EXOC3: variants seen among roughly 807,000 people sequenced by gnomAD.
EXOC3 encodes the protein exocyst complex component 3.
A neutral mutation model predicts 73.7 loss-of-function variants in EXOC3; 21 were observed. That is an observed-to-expected ratio of 0.29 (90% CI 0.20 to 0.41). EXOC3 has a LOEUF of 0.41. Among genes scored for constraint, EXOC3 ranks in the 10% least tolerant of loss-of-function variants. EXOC3 has a pLI of 1.00. For missense variants in EXOC3, 842 were observed against 985.1 expected (o/e 0.85, Z 1.95); for synonymous variants, 410 against 389.1 (o/e 1.05, Z -0.63).
intron 4 of EXOC3, among the ~76,000 whole-genome samples, chr5:455,166 G>A (rs1315102651): frequency 3.3e-5 from 5 of 152,204 alleles, no homozygotes; most frequent in African/African-American, 1.2e-4. Context: ...CTCCGTGCCT[G>A]GTGTGTGTCA....
chr5:452,918 T>A (rs1737696886), intron 3 of EXOC3, among the ~76,000 whole-genome samples: 1 of 151,932 alleles, frequency 6.6e-6, no homozygotes, highest in Non-Finnish European at 1.5e-5. Context: ...TCTGTGGGGG[T>A]GAGGAGGGAC....
chr5:464,307 G>A lies in EXOC3; in HGVS notation c.1671G>A (p.Leu557=), dbSNP rs776501680. ...FLDLEQHLNE[L]MTKKWLLGSN... is the part of the protein sequence containing the mutation. Reference sequence around the variant, plus strand: ...CTTTTCAGCAACATCTGAATGAATTGATGACGAAGAAGTGGCTATTAGGGT... The same window carrying A: ...CTTTTCAGCAACATCTGAATGAATTAATGACGAAGAAGTGGCTATTAGGGT... The change falls in exon 10 of 13, where the codon TTG becomes TTA. Residue 557 remains leucine (L), a synonymous_variant. Coordinates refer to ENST00000512944, the MANE Select transcript of EXOC3 (RefSeq NM_007277.5). The A allele has an allele frequency of 1.6e-5, 26 of 1,613,572 alleles. No individual in the cohort carries two copies. The highest frequency in any genetic ancestry group is 2.2e-5 in the Non-Finnish European group (26 of 1,179,544).
chr5:457,346 A>G (rs1182092095), intron 5 of EXOC3: 4 of 332,454 alleles, frequency 1.2e-5, no homozygotes, highest in African/African-American at 2.1e-5. Context: ...GGGTCCGTCA[A>G]GGACCAAAGG....
intron 4 of EXOC3, among the ~76,000 whole-genome samples, chr5:456,540 A>T (rs1284929986): frequency 6.6e-6 from 1 of 152,208 alleles, no homozygotes; most frequent in Non-Finnish European, 1.5e-5. Flanking sequence ...TTTGAGCCCC[A>T]GCACCTCATG....
intron 10 of EXOC3, 89 bp downstream of exon 10, chr5:464,501 CCGTG>C: frequency 7.1e-7 from 1 of 1,417,358 alleles, no homozygotes; most frequent in Non-Finnish European, 9.9e-7. Flanking sequence ...GCGAGTCCCT[CCGTG>C]AGTGAACGTT....
Position 453,766 on chromosome 5 carries a change from G to C in EXOC3, c.761G>C (p.Arg254Thr), listed in dbSNP as rs925138117. Residue 254 changes from arginine (R) to threonine (T), a missense_variant, in exon 4 of 13, where the codon AGG becomes ACG. By Grantham distance (71) the Arg-to-Thr change is moderately conservative (BLOSUM62 -1). Coordinates refer to ENST00000512944, the MANE Select transcript of EXOC3 (RefSeq NM_007277.5). ...WKEKMFTILE[R>T]TVTTRIEGTQ... ...GAGAAAATGTTCACCATCTTGGAGA[G>C]GACTGTGACCACCAGAATTGAGGGC... The C allele has an allele frequency of 6.2e-7, 1 of 1,613,978 alleles. No individual in the cohort carries two copies. The highest frequency in any genetic ancestry group is 8.5e-7 in the Non-Finnish European group (1 of 1,179,898).
chr5:465,138 G>GT lies in EXOC3; in HGVS notation c.1805dup (p.Val603GlyfsTer30). On this transcript the variant is annotated frameshift_variant, in exon 11 of 13. Coordinates refer to ENST00000512944, the MANE Select transcript of EXOC3 (RefSeq NM_007277.5). LOFTEE classifies it high-confidence loss of function. Reference sequence around the variant, plus strand: ...GATGACGGCCGAGGCGCACCGGCGCGTGGTGGTGGAGTACCTGCGGGCGGT... The same window carrying GT: ...GATGACGGCCGAGGCGCACCGGCGCGTTGGTGGTGGAGTACCTGCGGGCGGT... 1 of 1,592,974 alleles carries GT rather than the reference G, an allele frequency of 6.3e-7. No homozygotes were observed. Among genetic ancestry groups the GT allele is most frequent in the Non-Finnish European group, 8.5e-7 (1 of 1,171,074 alleles).
Position 443,273 on chromosome 5 carries a change from GCGGCGT to G in EXOC3, c.-73_-68del, listed in dbSNP as rs1464746229. The G allele has an allele frequency of 9.0e-6, 1 of 111,658 alleles. No individual in the cohort carries two copies. The highest frequency in any genetic ancestry group is 2.1e-4 in the East Asian group (1 of 4,690). The allele number at this position is 111,658 out of a possible 1,614,324, so 6.9% of individuals were successfully genotyped here. A position where few individuals can be genotyped will look rare whatever the true frequency, so the allele number is the denominator to read the frequency against. ...GGCGGCGGCGGCGGCGGCGGCGGCGGCGGCGTAGCCGTAGAGGGTGAGTCGGTGGCA... is the reference window on the plus strand; with the variant it reads ...GGCGGCGGCGGCGGCGGCGGCGGCGGAGCCGTAGAGGGTGAGTCGGTGGCA... On this transcript the variant is annotated 5_prime_UTR_variant, in exon 1 of 13. Coordinates refer to ENST00000512944, the MANE Select transcript of EXOC3 (RefSeq NM_007277.5).
At chr5:465,992 A>T in intron 12 of EXOC3, 147 bp downstream of exon 12, 1 of 842,602 alleles carries the variant, frequency 1.2e-6, no homozygotes, top group Non-Finnish European at 1.8e-6. Flanking sequence ...AGCGGGGCCC[A>T]GGCGCAGGGA....
intron 1 of EXOC3, among the ~76,000 whole-genome samples, chr5:445,275 A>G (rs1737471818): frequency 6.6e-6 from 1 of 152,008 alleles, no homozygotes; most frequent in South Asian, 2.1e-4. Context: ...GGGAAGCATG[A>G]TGTTTTCTAG....
chr5:464,202 GAGGTGA>G, intron 9 of EXOC3, 82 bp from the exon 10 acceptor site: 1 of 1,312,658 alleles, frequency 7.6e-7, no homozygotes, highest in Non-Finnish European at 1.1e-6. Flanking sequence ...GTGGGGCGTT[GAGGTGA>G]GGAAGTGCCT....
chr5:464,309 TGAC>T lies in EXOC3; in HGVS notation c.1676_1678del (p.Thr559del). 1 of 1,613,594 alleles carries T rather than the reference TGAC, an allele frequency of 6.2e-7. No homozygotes were observed. ...TTTCAGCAACATCTGAATGAATTGATGACGAAGAAGTGGCTATTAGGGTCAAAC... is the reference window on the plus strand; with the variant it reads ...TTTCAGCAACATCTGAATGAATTGATGAAGAAGTGGCTATTAGGGTCAAAC... On this transcript the variant is annotated inframe_deletion, in exon 10 of 13. Coordinates refer to ENST00000512944, the MANE Select transcript of EXOC3 (RefSeq NM_007277.5).
chr5:464,093 A>T (rs763681249), intron 9 of EXOC3, among the ~76,000 whole-genome samples, 197 bp from the exon 10 acceptor site: 1 of 151,850 alleles, frequency 6.6e-6, no homozygotes, highest in South Asian at 2.1e-4. Flanking sequence ...TGCTCGTGGG[A>T]CGTTGAGGTG....
chr5:446,806 G>T (rs189804199), intron 2 of EXOC3, among the ~76,000 whole-genome samples: 2 of 152,114 alleles, frequency 1.3e-5, no homozygotes, highest in Admixed American at 1.3e-4. Flanking sequence ...GCGGTGAGCC[G>T]AGATGGTGCC....
rs369894633 is a variant in EXOC3, at chr5:454,830, C to G, written c.1046+779C>G. ...CTTCTTCTTCTTTTTTTTCTTCCGC[C>G]CATCTTGTCACTGCAGTGGAGAAAT... is the stretch of plus-strand genomic sequence containing the variant. On this transcript the variant is annotated intron_variant, in intron 4 of 12. Transcript: ENST00000512944. Among the ~76,000 whole-genome samples the G allele has an allele frequency of 2.3e-3, 337 of 148,376 alleles. 1 individual carries two copies. Among genetic ancestry groups the G allele is most frequent in the African/African-American group, 8.0e-3 (320 of 40,198 alleles).
chr5:453,219 A>T, intron 3 of EXOC3, 151 bp from the exon 4 acceptor site: 1 of 630,344 alleles, frequency 1.6e-6, no homozygotes, highest in Non-Finnish European at 2.8e-6. Flanking sequence ...AGAGTTCCAA[A>T]GATAGTTACC....
At chr5:446,122 A>G (rs2126570959) in intron 1 of EXOC3, 28 bp from the exon 2 acceptor site, 1 of 1,545,456 alleles carries the variant, frequency 6.5e-7, no homozygotes, top group Non-Finnish European at 8.9e-7. Flanking sequence ...TGTACCTAAC[A>G]TTTCTACCGT....
chr5:461,280 T>C (rs1737976266), intron 7 of EXOC3, among the ~76,000 whole-genome samples: 1 of 152,248 alleles, frequency 6.6e-6, no homozygotes, highest in African/African-American at 2.4e-5. Flanking sequence ...TATTATTTTT[T>C]ACCAACTCCT....
rs781011829 is a variant in EXOC3, at chr5:457,903, A to G, written c.1168A>G (p.Asn390Asp). The G allele has an allele frequency of 4.4e-6, 7 of 1,605,018 alleles. No homozygotes were observed. Among genetic ancestry groups the G allele is most frequent in the Admixed American group, 3.4e-5 (2 of 58,698 alleles). ...LDTYMSTLTS[N>D]IIAWLRKALE... is the part of the protein sequence containing the mutation. ...CATGATGCTGAACTTTCTTTAGTCA[A>G]ACATCATCGCCTGGCTGCGGAAAGC... Residue 390 changes from asparagine to aspartate, a missense_variant, in exon 6 of 13, where the codon AAC becomes GAC. Physicochemically the swap from Asn to Asp is conservative, Grantham distance 23. Coordinates refer to ENST00000512944, the MANE Select transcript of EXOC3 (RefSeq NM_007277.5).
Sources: gnomAD v4.1 joint callset for allele counts (sites outside exome capture counted in the v4.1 genomes callset) on GRCh38, gnomAD v4.1.1 for gene constraint, MANE v1.5 for transcripts, NCBI Gene and HGNC (gene_info 2026-07-23, HGNC 2026-07-21) for gene names.